The following KCNT2 variants were observed in gnomAD, a reference collection of about 807,000 sequenced individuals.
KCNT2 encodes the protein potassium sodium-activated channel subfamily T member 2.
In KCNT2, 67 loss-of-function variants were observed where a neutral mutation model predicts 153.8. The ratio of observed to expected loss-of-function variants is 0.44; its 90% confidence interval spans 0.36 to 0.53. The LOEUF is 0.53. Ranked by LOEUF, KCNT2 falls within the 20% of genes least tolerant of loss-of-function variation. The pLI, the probability that KCNT2 is intolerant of heterozygous loss-of-function variation, is 0.00. For synonymous variants in KCNT2, 500 were observed against 458.8 expected (o/e 1.09, Z -1.15); for missense variants, 975 against 1,354.8 (o/e 0.72, Z 4.40).
chr1:196,409,809 T>C (rs1672130644), intron 12 of KCNT2, among the ~76,000 whole-genome samples: 2 of 151,724 alleles, frequency 1.3e-5, no homozygotes, highest in African/African-American at 4.8e-5. Context: ...TTTGGATGTA[T>C]AACAGGAAGT....
At chr1:196,283,953 G>T (rs955302656) in intron 23 of KCNT2, among the ~76,000 whole-genome samples, 2 of 151,520 alleles carry the variant, frequency 1.3e-5, no homozygotes, top group African/African-American at 4.8e-5. Context: ...ACTTTAGGCT[G>T]AGCACAGTGG....
chr1:196,608,357 G>T lies in KCNT2; in HGVS notation c.-48C>A. ...ATCAAACAACAAATGGAGGAGAGGA[G>T]GGAGAAAGAAAGAAAATATTGCGGA... is the stretch of plus-strand genomic sequence containing the variant. On this transcript the variant is annotated 5_prime_UTR_variant, in exon 1 of 28. Transcript: ENST00000294725. 1 of 1,466,470 alleles carries T rather than the reference G, an allele frequency of 6.8e-7. No homozygotes were observed. The highest frequency in any genetic ancestry group is 9.6e-7 in the Non-Finnish European group (1 of 1,045,452). The allele number at this position is 1,466,470 out of a possible 1,614,324, so 90.8% of individuals were successfully genotyped here.
chr1:196,352,486 T>C (rs2148223671), intron 14 of KCNT2, among the ~76,000 whole-genome samples: 1 of 152,332 alleles, frequency 6.6e-6, no homozygotes, highest in South Asian at 2.1e-4. Flanking sequence ...TTCTAGTTTA[T>C]TTGCACAGAG....
intron 8 of KCNT2, among the ~76,000 whole-genome samples, chr1:196,450,254 T>C (rs1398265166): frequency 6.6e-6 from 1 of 151,848 alleles, no homozygotes; most frequent in Non-Finnish European, 1.5e-5. Context: ...AAGGTTTTTG[T>C]TTTGTTTTAC....
intron 20 of KCNT2, among the ~76,000 whole-genome samples, chr1:196,318,963 GAATTTGTATTT>G (rs1663014086): frequency 6.6e-6 from 1 of 151,440 alleles, no homozygotes; most frequent in Admixed American, 6.6e-5. Flanking sequence ...ACATGTATAA[GAATTTGTATTT>G]AATTACTAAT....
intron 26 of KCNT2, among the ~76,000 whole-genome samples, chr1:196,248,988 T>C (rs1655697822): frequency 1.3e-5 from 2 of 152,162 alleles, no homozygotes; most frequent in Admixed American, 1.3e-4. Flanking sequence ...ATCCCAGGGA[T>C]GCAGAGATGC....
intron 12 of KCNT2, among the ~76,000 whole-genome samples, chr1:196,409,085 T>TC (rs1672076440): frequency 6.6e-6 from 1 of 151,248 alleles, no homozygotes; most frequent in Non-Finnish European, 1.5e-5. Flanking sequence ...TTTTTTTTTT[T>TC]TAATGCATTG....
chr1:196,231,943 A>G (rs74133633), intron 27 of KCNT2, among the ~76,000 whole-genome samples: 3,299 of 151,968 alleles, frequency 0.022, 102 homozygotes, highest in African/African-American at 0.075. Flanking sequence ...CTTCTATAAT[A>G]TTTTTAAGAG....
At chr1:196,374,114 G>A (rs919438608) in intron 13 of KCNT2, among the ~76,000 whole-genome samples, 4 of 151,764 alleles carry the variant, frequency 2.6e-5, no homozygotes, top group Non-Finnish European at 5.9e-5. Flanking sequence ...ACAAAAACCT[G>A]TTTTCCCAAA....
At chr1:196,293,149 G>A (rs1412399842) in intron 22 of KCNT2, among the ~76,000 whole-genome samples, 3 of 152,092 alleles carry the variant, frequency 2.0e-5, no homozygotes, top group Non-Finnish European at 4.4e-5. Flanking sequence ...AAGCGTTATT[G>A]TGGTCATAAA....
chr1:196,238,870 G>A (rs1236812934), intron 26 of KCNT2, among the ~76,000 whole-genome samples: 1 of 151,720 alleles, frequency 6.6e-6, no homozygotes, highest in Non-Finnish European at 1.5e-5. Context: ...TTTTCTAAAA[G>A]CCTATTGCAG....
intron 18 of KCNT2, among the ~76,000 whole-genome samples, chr1:196,327,236 T>C (rs1364762998): frequency 6.6e-6 from 1 of 151,788 alleles, no homozygotes; most frequent in East Asian, 1.9e-4. Flanking sequence ...TCCAGAAATA[T>C]AGTAATATCA....
chr1:196,492,422 G>T (rs1170723174), intron 1 of KCNT2, 81 bp from the exon 2 acceptor site: 2 of 1,021,308 alleles, frequency 2.0e-6, no homozygotes, highest in South Asian at 2.8e-5. Context: ...AATATAAATT[G>T]ATCTGTAGTT....
At chr1:196,237,731 TG>T (rs1654570326) in intron 26 of KCNT2, among the ~76,000 whole-genome samples, 1 of 151,856 alleles carries the variant, frequency 6.6e-6, no homozygotes, top group Non-Finnish European at 1.5e-5. Flanking sequence ...TAAGTTCCAC[TG>T]GGAATCATGT....
chr1:196,507,359 CT>C (rs34929758), intron 1 of KCNT2, among the ~76,000 whole-genome samples: 1 of 152,082 alleles, frequency 6.6e-6, no homozygotes, highest in Non-Finnish European at 1.5e-5. Flanking sequence ...CTGGACGTGG[CT>C]TTCTATTTTC....
chr1:196,295,484 A>T (rs942208468), intron 22 of KCNT2, among the ~76,000 whole-genome samples: 1 of 151,944 alleles, frequency 6.6e-6, no homozygotes, highest in South Asian at 2.1e-4. Flanking sequence ...AACCAAAAAA[A>T]AAAACATTGT....
At chr1:196,363,951 T>C (rs982022389) in intron 14 of KCNT2, among the ~76,000 whole-genome samples, 11 of 152,132 alleles carry the variant, frequency 7.2e-5, no homozygotes, top group African/African-American at 2.2e-4. Flanking sequence ...TTTTTGTTTA[T>C]ATACATTGAA....
chr1:196,309,466 G>T (rs1303220823), intron 21 of KCNT2, among the ~76,000 whole-genome samples: 1 of 151,842 alleles, frequency 6.6e-6, no homozygotes, highest in Non-Finnish European at 1.5e-5. Flanking sequence ...GGCTTCTGGA[G>T]TTGAAATTAA....
At chr1:196,420,791 C>T (rs886443902) in intron 12 of KCNT2, among the ~76,000 whole-genome samples, 1 of 151,892 alleles carries the variant, frequency 6.6e-6, no homozygotes, top group Non-Finnish European at 1.5e-5. Context: ...ACTCTTAATT[C>T]CCTTAATTTT....
Sources: gnomAD v4.1 joint callset for allele counts (sites outside exome capture counted in the v4.1 genomes callset) on GRCh38, gnomAD v4.1.1 for gene constraint, MANE v1.5 for transcripts, NCBI Gene and HGNC (gene_info 2026-07-23, HGNC 2026-07-21) for gene names.